ADAMTS3: variants seen among roughly 807,000 people sequenced by gnomAD.
ADAMTS3 encodes ADAM metallopeptidase with thrombospondin type 1 motif 3.
Under a neutral mutation model 129.0 loss-of-function variants are expected in ADAMTS3, and 73 were observed. That is an observed-to-expected ratio of 0.57 (90% CI 0.47 to 0.69). The LOEUF (loss-of-function observed/expected upper bound fraction) is 0.69. Among genes scored for constraint, ADAMTS3 ranks in the 30% least tolerant of loss-of-function variants. ADAMTS3 has a pLI of 0.00. For synonymous variants in ADAMTS3, 477 were observed against 510.8 expected (o/e 0.93, Z 0.89); for missense variants, 1,457 against 1,514.5 (o/e 0.96, Z 0.63).
At chr4:72,517,590 T>TC (rs1720526109) in intron 3 of ADAMTS3, among the ~76,000 whole-genome samples, 1 of 152,242 alleles carries the variant, frequency 6.6e-6, no homozygotes, top group Non-Finnish European at 1.5e-5. Context: ...AAGGAATTTA[T>TC]CCATTTCTTC....
At position 72,550,081 on chromosome 4, in the gene ADAMTS3, G is replaced by GGAA. The variant is rs1182642409; in HGVS notation, c.98-1200_98-1198dup. ...AGGAAGAGGAAGAGGAAGAGGAAGAGGAAGAAGAAGAAGAAGAAGAAGAAG... is the reference window on the plus strand; with the variant it reads ...AGGAAGAGGAAGAGGAAGAGGAAGAGGAAGAAGAAGAAGAAGAAGAAGAAGAAG... On this transcript the variant is annotated intron_variant, in intron 2 of 21. Transcript: ENST00000286657. Among the ~76,000 whole-genome samples the GGAA allele has an allele frequency of 3.1e-4, 8 of 26,042 alleles. 2 individuals carry two copies. Among genetic ancestry groups the GGAA allele is most frequent in the African/African-American group, 1.9e-3 (7 of 3,746 alleles). The allele number at this position is 26,042 out of a possible 152,430, so 17.1% of individuals were successfully genotyped here. A position where few individuals can be genotyped will look rare whatever the true frequency, so the allele number is the denominator to read the frequency against.
chr4:72,346,586 A>T (rs1442664663), intron 4 of ADAMTS3, among the ~76,000 whole-genome samples: 1 of 152,074 alleles, frequency 6.6e-6, no homozygotes, highest in East Asian at 1.9e-4. Context: ...TTGCTGAAAC[A>T]TTTGGGTGTG....
At chr4:72,295,896 A>G in intron 18 of ADAMTS3, 110 bp from the exon 19 acceptor site, 3 of 1,351,666 alleles carry the variant, frequency 2.2e-6, no homozygotes, top group Non-Finnish European at 3.0e-6. Flanking sequence ...ATAAATATGT[A>G]TTGAGTGCAT....
chr4:72,561,540 TA>T (rs1400973722), intron 2 of ADAMTS3, among the ~76,000 whole-genome samples: 1 of 151,918 alleles, frequency 6.6e-6, no homozygotes, highest in African/African-American at 2.4e-5. Flanking sequence ...ACTTTACATG[TA>T]AAAGAGAGAG....
chr4:72,385,327 A>G (rs1241809809), intron 4 of ADAMTS3, among the ~76,000 whole-genome samples: 3 of 152,180 alleles, frequency 2.0e-5, no homozygotes, highest in African/African-American at 7.2e-5. Context: ...GGCCATTAAA[A>G]AAATAAATTA....
At chr4:72,293,977 G>A (rs943668188) in intron 19 of ADAMTS3, among the ~76,000 whole-genome samples, 2 of 151,840 alleles carry the variant, frequency 1.3e-5, no homozygotes, top group African/African-American at 4.8e-5. Flanking sequence ...GTGCAACAAT[G>A]GACAATAGGA....
chr4:72,298,976 G>A (rs1000656141), intron 17 of ADAMTS3, among the ~76,000 whole-genome samples: 4 of 150,622 alleles, frequency 2.7e-5, no homozygotes, highest in African/African-American at 9.8e-5. Context: ...GAAAGAAAAC[G>A]AAAAATCATA....
At chr4:72,364,970 T>G (rs1720833046) in intron 4 of ADAMTS3, among the ~76,000 whole-genome samples, 1 of 152,228 alleles carries the variant, frequency 6.6e-6, no homozygotes, top group South Asian at 2.1e-4. Flanking sequence ...CTGTTTGTTT[T>G]GCTTCCCCTA....
At chr4:72,530,414 AATATATATTAAATTAATATAT>A (rs1720979849) in intron 3 of ADAMTS3, among the ~76,000 whole-genome samples, 1 of 86,298 alleles carries the variant, frequency 1.2e-5, no homozygotes, top group South Asian at 3.9e-4. Flanking sequence ...TTTAATATAT[AATATATATTAAATTAATATAT>A]GTTAATTTAA....
intron 4 of ADAMTS3, among the ~76,000 whole-genome samples, chr4:72,403,379 A>G (rs1014648885): frequency 1.3e-5 from 2 of 152,068 alleles, no homozygotes; most frequent in African/African-American, 2.4e-5. Context: ...TTCTATATTC[A>G]TGAAGAAAAT....
At chr4:72,450,208 G>C (rs1051401803) in intron 3 of ADAMTS3, among the ~76,000 whole-genome samples, 3 of 151,614 alleles carry the variant, frequency 2.0e-5, no homozygotes, top group Non-Finnish European at 4.4e-5. Flanking sequence ...AAAAAGAGGT[G>C]GACAAAACTG....
At chr4:72,350,946 G>A (rs1489380683) in intron 4 of ADAMTS3, among the ~76,000 whole-genome samples, 1 of 151,838 alleles carries the variant, frequency 6.6e-6, no homozygotes, top group Admixed American at 6.6e-5. Flanking sequence ...TCTCAGTCCT[G>A]TGAGCTCTGG....
At chr4:72,323,420 A>C (rs559013825) in intron 5 of ADAMTS3, among the ~76,000 whole-genome samples, 1 of 152,294 alleles carries the variant, frequency 6.6e-6, no homozygotes, top group South Asian at 2.1e-4. Flanking sequence ...CAACCACAGG[A>C]GGGTAACTTT....
At chr4:72,297,579 A>C (rs1718840786) in intron 18 of ADAMTS3, among the ~76,000 whole-genome samples, 1 of 152,088 alleles carries the variant, frequency 6.6e-6, no homozygotes, top group South Asian at 2.1e-4. Flanking sequence ...AACTAGAGGA[A>C]TGGATGATGG....
chr4:72,347,898 A>G (rs1720330049), intron 4 of ADAMTS3, among the ~76,000 whole-genome samples: 1 of 151,980 alleles, frequency 6.6e-6, no homozygotes, highest in African/African-American at 2.4e-5. Flanking sequence ...TTCAAAGCTC[A>G]TGTTACTTCC....
chr4:72,490,009 A>G (rs1399957204), intron 3 of ADAMTS3, among the ~76,000 whole-genome samples: 1 of 151,806 alleles, frequency 6.6e-6, no homozygotes, highest in Non-Finnish European at 1.5e-5. Context: ...CCTTTTCTCC[A>G]TATCTCACCA....
intron 4 of ADAMTS3, among the ~76,000 whole-genome samples, chr4:72,341,602 T>G (rs1043294466): frequency 1.3e-5 from 2 of 152,202 alleles, no homozygotes; most frequent in Non-Finnish European, 2.9e-5. Context: ...TGGCTCCTGT[T>G]GGCAGAATGC....
rs1320060396 is a variant in ADAMTS3, at chr4:72,516,779, C to G, written c.504+31699G>C. On this transcript the variant is annotated intron_variant, in intron 3 of 21. Transcript: ENST00000286657. ...TCTAGATATACAATCATGTCATCTG[C>G]AAACAGGGACAATTTGACTTCCTCT... is the stretch of plus-strand genomic sequence containing the variant. Among the ~76,000 whole-genome samples the G allele has an allele frequency of 2.0e-5, 3 of 152,076 alleles. 1 individual carries two copies. Among genetic ancestry groups the G allele is most frequent in the African/African-American group, 7.2e-5 (3 of 41,400 alleles).
At chr4:72,314,716 A>C (rs1449616979) in intron 11 of ADAMTS3, among the ~76,000 whole-genome samples, 2 of 152,188 alleles carry the variant, frequency 1.3e-5, no homozygotes, top group Non-Finnish European at 2.9e-5. Context: ...ATGATATTGA[A>C]TTTTCCCAAA....
Sources: gnomAD v4.1 joint callset for allele counts (sites outside exome capture counted in the v4.1 genomes callset) on GRCh38, gnomAD v4.1.1 for gene constraint, MANE v1.5 for transcripts, NCBI Gene and HGNC (gene_info 2026-07-23, HGNC 2026-07-21) for gene names.